The following ANKRD26 variants were observed in gnomAD, a reference collection of about 807,000 sequenced individuals.
The protein encoded by ANKRD26 is ankyrin repeat domain 26.
Under a neutral mutation model 208.7 loss-of-function variants are expected in ANKRD26, and 141 were observed. The observed-to-expected ratio is 0.68, with a 90% CI of 0.59 to 0.78. ANKRD26 has a LOEUF of 0.78. ANKRD26 is among the 30% of genes least tolerant of loss of function. ANKRD26 has a pLI of 0.00. For missense variants in ANKRD26, 1,889 were observed against 1,938.7 expected, an observed-to-expected ratio of 0.97 and a Z score of 0.48; for synonymous variants, 636 against 660.4, an observed-to-expected ratio of 0.96 and a Z score of 0.57.
intron 2 of ANKRD26, 61 bp downstream of exon 2, chr10:27,093,623 AT>A: frequency 6.3e-7 from 1 of 1,596,622 alleles, no homozygotes; most frequent in Non-Finnish European, 8.6e-7. Flanking sequence ...AGATAAATTC[AT>A]TTTCATTCTA....
chr10:27,059,543 G>A (rs1398746748), intron 15 of ANKRD26, among the ~76,000 whole-genome samples: 1 of 152,112 alleles, frequency 6.6e-6, no homozygotes, highest in African/African-American at 2.4e-5. Flanking sequence ...ATTTTTAATA[G>A]CATAAAAGGA....
rs535955714 is a variant in ANKRD26, at chr10:27,052,319, C to T, written c.1635+1001G>A. On this transcript the variant is annotated intron_variant, in intron 16 of 33. Coordinates refer to ENST00000376087, the MANE Select transcript of ANKRD26 (RefSeq NM_014915.3). ...TGAACCAGCAAAGTTAAGTTTATCA[C>T]TGTTCCTTTGGATTAAACTTAATTC... 6.1e-5 allele frequency: 17 copies of T among 278,214 alleles called. No homozygotes were observed. In the South Asian group the frequency reaches 2.1e-3, roughly 34 times the overall value. 17.2% of individuals were successfully genotyped at this position (278,214 alleles called of 1,614,324 possible).
chr10:27,070,453 T>G (rs2135522891), intron 9 of ANKRD26, among the ~76,000 whole-genome samples: 1 of 152,180 alleles, frequency 6.6e-6, no homozygotes, highest in East Asian at 1.9e-4. Flanking sequence ...TTTAAAAGTC[T>G]TCAAATATAT....
chr10:27,078,568 T>G (rs1039232823), intron 7 of ANKRD26, among the ~76,000 whole-genome samples: 1 of 152,192 alleles, frequency 6.6e-6, no homozygotes, highest in Non-Finnish European at 1.5e-5. Context: ...GTTCATAGGA[T>G]ATCCCTGATA....
intron 11 of ANKRD26, among the ~76,000 whole-genome samples, chr10:27,065,715 T>A (rs2055212444): frequency 7.1e-6 from 1 of 140,636 alleles, no homozygotes; most frequent in Non-Finnish European, 1.5e-5. Flanking sequence ...CTTTTCAAGT[T>A]CTAAGTTGTC....
intron 3 of ANKRD26, among the ~76,000 whole-genome samples, chr10:26,982,907 A>C (rs1043353695): frequency 6.6e-6 from 1 of 152,128 alleles, no homozygotes; most frequent in Non-Finnish European, 1.5e-5. Flanking sequence ...ATCCAAACAA[A>C]CCACTCAACT....
At chr10:27,007,051 G>A in intron 32 of ANKRD26, 89 bp from the exon 33 acceptor site, 1 of 907,314 alleles carries the variant, frequency 1.1e-6, no homozygotes, top group Middle Eastern at 2.2e-4. Flanking sequence ...AATGTGGCCT[G>A]TAATACTCTT....
chr10:27,035,279 A>T lies in ANKRD26; in HGVS notation c.3171T>A (p.Asp1057Glu). Residue 1057 changes from aspartate (D) to glutamate (E), a missense_variant, in exon 24 of 34, where the codon GAT (aspartate) becomes GAA (glutamate). Asp to Glu is a conservative substitution (Grantham distance 45). Around this residue, in one of 3 missense-constraint regions of ANKRD26, gnomAD observed 1,272 missense variants for 1,273.8 expected, o/e 1.00. Transcript: ENST00000376087. ...GTTGTTGAGAAAGAATCTCATTGTT[A>T]TCTTTTAGGTTAGACACATCAAAAT... ...KMNFDVSNLK[D>E]NNEILSQQLF... 1.2e-6 allele frequency: 2 copies of T among 1,613,868 alleles called. No individual in the cohort carries two copies. The highest frequency in any genetic ancestry group is 1.7e-6 in the Non-Finnish European group (2 of 1,179,870).
At chr10:27,001,686 T>C (rs2052728884), downstream of ANKRD26, among the ~76,000 whole-genome samples, 1 of 152,192 alleles carries the variant, frequency 6.6e-6, no homozygotes, top group African/African-American at 2.4e-5. Flanking sequence ...GTTCCTTTAC[T>C]GTACAAAGAA....
chr10:27,042,481 T>C lies in ANKRD26; in HGVS notation c.2161+945A>G, dbSNP rs372341539. ...AAAATACAAAAAAGCTGGCAGGGCG[T>C]GGTGGCTCACGCCTGTAATCCCAGC... is the stretch of plus-strand genomic sequence containing the variant. On this transcript the variant is annotated intron_variant, in intron 20 of 33. Coordinates refer to ENST00000376087, the MANE Select transcript of ANKRD26 (RefSeq NM_014915.3). Among the ~76,000 whole-genome samples, 772 of 151,894 alleles carry C rather than the reference T, an allele frequency of 5.1e-3. 1 individual carries two copies. The highest frequency in any genetic ancestry group is 7.4e-3 in the Non-Finnish European group (500 of 67,888).
the ANKRD26 span, among the ~76,000 whole-genome samples, chr10:26,966,413 T>C: frequency 6.6e-6 from 1 of 152,212 alleles, no homozygotes; most frequent in Middle Eastern, 3.4e-3. Context: ...TTCTCACTTA[T>C]AAGTGGGAGT....
chr10:27,058,664 C>A (rs1191872312), intron 15 of ANKRD26, among the ~76,000 whole-genome samples: 6 of 151,856 alleles, frequency 4.0e-5, no homozygotes, highest in African/African-American at 1.2e-4. Flanking sequence ...CAACCTCCAA[C>A]TCCCTGGTTC....
chr10:27,029,838 T>C lies in ANKRD26; in HGVS notation c.3808-482A>G, dbSNP rs141316011. The stretch of plus-strand genomic sequence containing the variant: ...TGACATGTTAGGTGACAACTAGATA[T>C]TCATGAAACTGAGAGGCCGTATCCA... On this transcript the variant is annotated intron_variant, in intron 25 of 33. Coordinates refer to ENST00000376087, the MANE Select transcript of ANKRD26 (RefSeq NM_014915.3). Among the ~76,000 whole-genome samples, 649 of 152,292 alleles carry C rather than the reference T, an allele frequency of 4.3e-3. 14 individuals are homozygous for C. The highest frequency in any genetic ancestry group is 5.4e-3 in the East Asian group (28 of 5,186).
chr10:27,013,225 C>A, intron 31 of ANKRD26, 115 bp from the exon 32 acceptor site: 1 of 893,438 alleles, frequency 1.1e-6, no homozygotes, highest in Non-Finnish European at 1.8e-6. Flanking sequence ...TCCCATTAAC[C>A]AGTATTTTAA....
chr10:27,036,044 A>G (rs984860468), intron 23 of ANKRD26, among the ~76,000 whole-genome samples: 1 of 152,100 alleles, frequency 6.6e-6, no homozygotes, highest in Admixed American at 6.5e-5. Context: ...CAACAAATTC[A>G]AAAGCATAAA....
In ANKRD26 at chr10:27,077,659, G is replaced by T; in HGVS notation, c.848C>A (p.Thr283Asn). ...VPKPSLAKLM[T>N]ASQQSRKNLE... ...ATTTTTCCTGGATTGCTGAGAAGCA[G>T]TCATTAGCTTTGCTAAGCTTGGTTT... The change falls in exon 8 of 34, where the codon ACT (threonine) becomes AAT (asparagine). Residue 283 changes from threonine (T) to asparagine (N), a missense_variant. Thr to Asn is a moderately conservative substitution (Grantham distance 65). Coordinates refer to ENST00000376087, the MANE Select transcript of ANKRD26 (RefSeq NM_014915.3). 1 of 1,613,260 alleles carries T rather than the reference G, an allele frequency of 6.2e-7. No homozygotes were observed. Among genetic ancestry groups the T allele is most frequent in the African/African-American group, 1.3e-5 (1 of 75,034 alleles).
downstream of ANKRD26, among the ~76,000 whole-genome samples, chr10:26,971,301 T>G (rs2052138620): frequency 6.6e-6 from 1 of 152,126 alleles, no homozygotes; most frequent in Non-Finnish European, 1.5e-5. Flanking sequence ...GAGAATCACT[T>G]GAACCCAGGA....
In ANKRD26 at chr10:27,080,162, A is replaced by T. The variant is rs571691342; in HGVS notation, c.741-1001T>A. 4 of 155,884 alleles carry T rather than the reference A, an allele frequency of 2.6e-5. No homozygotes were observed. The South Asian group carries it at 7.5e-4, about 29-fold the overall frequency. 9.7% of individuals were successfully genotyped at this position (155,884 alleles called of 1,614,324 possible). On this transcript the variant is annotated intron_variant, in intron 6 of 33. Coordinates refer to ENST00000376087, the MANE Select transcript of ANKRD26 (RefSeq NM_014915.3). ...ACAGTGCAAGACTTTGTCTCAAAAAAAATAAAATAAAATAAAATAAAATAA... is the reference window on the plus strand; with the variant it reads ...ACAGTGCAAGACTTTGTCTCAAAAATAATAAAATAAAATAAAATAAAATAA...
At chr10:27,038,208 C>T (rs1192817923) in intron 21 of ANKRD26, among the ~76,000 whole-genome samples, 154 bp from the exon 22 acceptor site, 2 of 152,114 alleles carry the variant, frequency 1.3e-5, no homozygotes, top group Non-Finnish European at 2.9e-5. Context: ...TTTAATTTCT[C>T]ACTTCAGTCT....
Sources: allele counts gnomAD v4.1 joint callset (sites outside exome capture counted in the v4.1 genomes callset), GRCh38; gene constraint gnomAD v4.1.1; regional missense constraint gnomAD v4.1.1; transcripts MANE v1.5; gene names NCBI Gene and HGNC (gene_info 2026-07-23, HGNC 2026-07-21).